The following CDS1 variants were observed in gnomAD, a reference collection of about 807,000 sequenced individuals.
The protein encoded by CDS1 is phosphatidate cytidylyltransferase 1.
A neutral mutation model predicts 62.1 loss-of-function variants in CDS1; 41 were observed. The observed-to-expected ratio is 0.66, with a 90% CI of 0.51 to 0.86. The LOEUF (loss-of-function observed/expected upper bound fraction) is 0.86, where lower values mean the gene tolerates loss of function less well. CDS1 is among the 40% of genes least tolerant of loss of function. The pLI, the probability that CDS1 is intolerant of heterozygous loss-of-function variation, is 0.00. For synonymous variants in CDS1, 185 were observed against 192.6 expected, an observed-to-expected ratio of 0.96 and a Z score of 0.32; for missense variants, 470 against 550.1, an observed-to-expected ratio of 0.85 and a Z score of 1.46.
At chr4:84,592,361 TG>T (rs1481716641) in intron 1 of CDS1, among the ~76,000 whole-genome samples, 2 of 151,794 alleles carry the variant, frequency 1.3e-5, no homozygotes, top group Non-Finnish European at 1.5e-5. Flanking sequence ...TTAGTAGAGA[TG>T]GGGTTTCACC....
intron 4 of CDS1, among the ~76,000 whole-genome samples, chr4:84,618,217 C>G (rs115873253): frequency 0.013 from 1,960 of 152,112 alleles, 19 homozygotes; most frequent in Non-Finnish European, 0.017. Context: ...ACCCAAGTGG[C>G]CATCCTTTTT....
rs1032829416 is a variant in CDS1 at position 84,585,625 on chromosome 4, A to G, written c.117+2107A>G. Among the ~76,000 whole-genome samples the G allele has an allele frequency of 1.3e-5, 2 of 152,214 alleles. 1 individual carries two copies. The highest frequency in any genetic ancestry group is 1.3e-4 in the Admixed American group (2 of 15,278). On this transcript the variant is annotated intron_variant, in intron 1 of 12. Transcript: ENST00000295887. ...TTAGTGAAAGAAGTGAAGGAGGTAC[A>G]TTATATTCTGCTATTATAATACACT...
At chr4:84,635,855 C>G (rs1475255639) in intron 8 of CDS1, among the ~76,000 whole-genome samples, 3 of 151,356 alleles carry the variant, frequency 2.0e-5, no homozygotes, top group Non-Finnish European at 2.9e-5. Flanking sequence ...CTCCCAGGCT[C>G]TAGCAATCTT....
intron 1 of CDS1, 136 bp downstream of exon 1, chr4:84,583,654 G>C: frequency 1.8e-6 from 1 of 567,142 alleles, no homozygotes; most frequent in Non-Finnish European, 3.1e-6. Flanking sequence ...CTCCCTGCCT[G>C]GCACTGCTTC....
At chr4:84,646,179 A>G (rs549924484) in intron 12 of CDS1, among the ~76,000 whole-genome samples, 1 of 152,322 alleles carries the variant, frequency 6.6e-6, no homozygotes, top group African/African-American at 2.4e-5. Flanking sequence ...CACATTTTAA[A>G]TATGTACCAC....
intron 11 of CDS1, among the ~76,000 whole-genome samples, 194 bp from the exon 12 acceptor site, chr4:84,645,023 CATTCT>C (rs1239057859): frequency 2.0e-5 from 3 of 152,166 alleles, no homozygotes; most frequent in Admixed American, 6.5e-5. Context: ...ATTCAGAAAT[CATTCT>C]AAAAGAAGCA....
chr4:84,605,895 A>G (rs1466195801), intron 2 of CDS1, among the ~76,000 whole-genome samples: 1 of 152,148 alleles, frequency 6.6e-6, no homozygotes, highest in Non-Finnish European at 1.5e-5. Flanking sequence ...GTAGGCAGAT[A>G]TTATATATCA....
At chr4:84,614,063 A>G (rs932006511) in intron 3 of CDS1, among the ~76,000 whole-genome samples, 1 of 152,170 alleles carries the variant, frequency 6.6e-6, no homozygotes. Context: ...AACTGTGGTC[A>G]TAATAATAAT....
chr4:84,620,991 C>T (rs1032704538), intron 5 of CDS1, among the ~76,000 whole-genome samples: 1 of 150,806 alleles, frequency 6.6e-6, no homozygotes, highest in African/African-American at 2.4e-5. Flanking sequence ...ACCCGGGAGG[C>T]GGAGGTTGCG....
At chr4:84,602,336 AG>A (rs1425565610) in intron 1 of CDS1, among the ~76,000 whole-genome samples, 1 of 152,206 alleles carries the variant, frequency 6.6e-6, no homozygotes, top group Admixed American at 6.5e-5. Flanking sequence ...GAGGGTGAGG[AG>A]GGGAGGGTTG....
chr4:84,648,473 T>C, intron 12 of CDS1, 84 bp from the exon 13 acceptor site: 4 of 1,248,702 alleles, frequency 3.2e-6, no homozygotes, highest in Non-Finnish European at 4.5e-6. Context: ...CTTAAAGGAA[T>C]GGTTTGTTTT....
chr4:84,584,339 T>G (rs1421056428), intron 1 of CDS1, among the ~76,000 whole-genome samples: 1 of 152,208 alleles, frequency 6.6e-6, no homozygotes, highest in Non-Finnish European at 1.5e-5. Flanking sequence ...ACTGGATGGT[T>G]TGGGAAATTG....
intron 1 of CDS1, among the ~76,000 whole-genome samples, chr4:84,602,819 C>T (rs543330722): frequency 6.6e-6 from 1 of 151,876 alleles, no homozygotes; most frequent in Non-Finnish European, 1.5e-5. Context: ...TATTAGTTAC[C>T]ATCTCTCTCT....
intron 9 of CDS1, 143 bp from the exon 10 acceptor site, chr4:84,640,695 C>A: frequency 1.5e-6 from 1 of 657,540 alleles, no homozygotes; most frequent in Non-Finnish European, 2.2e-6. Flanking sequence ...TTTGAAAATA[C>A]ATAGCAAAAT....
intron 7 of CDS1, among the ~76,000 whole-genome samples, chr4:84,634,787 G>GT (rs1391555753): frequency 1.3e-5 from 2 of 152,118 alleles, no homozygotes; most frequent in Non-Finnish European, 2.9e-5. Flanking sequence ...TGTACATTCA[G>GT]TAGGGTTTAC....
chr4:84,590,829 G>A lies in CDS1; in HGVS notation c.117+7311G>A, dbSNP rs1258072920. Among the ~76,000 whole-genome samples, 3 of 152,096 alleles carry A rather than the reference G, an allele frequency of 2.0e-5. No homozygotes were observed. The East Asian group carries it at 5.8e-4, about 29-fold the overall frequency. On this transcript the variant is annotated intron_variant, in intron 1 of 12. Transcript: ENST00000295887. ...ACAGAGATAATATTGATGAATGATT[G>A]GCTATTCAGTTTTAAAATGTAAGGT...
At position 84,631,813 on chromosome 4, in the gene CDS1, G is replaced by A. The variant is rs1252782903; in HGVS notation, c.581-6G>A. ...CAACGAGCACATGTTTTTTGTTCTT[G>A]AACAGGTTTCTGCATGTTTGTACTG... On this transcript the variant is annotated splice_region_variant and splice_polypyrimidine_tract_variant and intron_variant, in intron 5 of 12. Coordinates refer to ENST00000295887, the MANE Select transcript of CDS1 (RefSeq NM_001263.4). The A allele has an allele frequency of 5.6e-6, 9 of 1,611,344 alleles. No homozygotes were observed. The highest frequency in any genetic ancestry group is 8.5e-7 in the Non-Finnish European group (1 of 1,177,886).
At position 84,643,131 on chromosome 4, in the gene CDS1, C is replaced by G; in HGVS notation, c.1140C>G (p.Ala380=). The G allele has an allele frequency of 6.2e-7, 1 of 1,612,444 alleles. No homozygotes were observed. The highest frequency in any genetic ancestry group is 8.5e-7 in the Non-Finnish European group (1 of 1,179,030). Residue 380 remains alanine (A), a synonymous_variant, in exon 11 of 13, where the codon GCC becomes GCG. Transcript: ENST00000295887. ...GGFFASGFKR[A]FKIKDFANTI... ...TCTTTGCTAGTGGATTCAAAAGAGC[C>G]TTCAAAATCAAGGTGTGTGTTTAGA...
intron 5 of CDS1, among the ~76,000 whole-genome samples, chr4:84,627,057 G>A (rs1723884329): frequency 6.6e-6 from 1 of 152,168 alleles, no homozygotes; most frequent in Admixed American, 6.5e-5. Context: ...TTATGTTGTA[G>A]AAATCTTTGG....
Sources: gnomAD v4.1 joint callset for allele counts (sites outside exome capture counted in the v4.1 genomes callset) on GRCh38, gnomAD v4.1.1 for gene constraint, MANE v1.5 for transcripts, NCBI Gene and HGNC (gene_info 2026-07-23, HGNC 2026-07-21) for gene names.